FRMD4B: variants seen among roughly 807,000 people sequenced by gnomAD.
The protein encoded by FRMD4B is FERM domain-containing protein 4B.
In FRMD4B, 74 loss-of-function variants were observed where a neutral mutation model predicts 141.5. The observed-to-expected ratio is 0.52, with a 90% CI of 0.43 to 0.63. FRMD4B has a LOEUF of 0.63. FRMD4B is among the 30% of genes least tolerant of loss of function. FRMD4B has a pLI of 0.00. For missense variants in FRMD4B, 1,366 were observed against 1,253.4 expected, an observed-to-expected ratio of 1.09 and a Z score of -1.36; for synonymous variants, 506 against 467.9, an observed-to-expected ratio of 1.08 and a Z score of -1.05.
chr3:69,308,693 G>T (rs1701474647), intron 3 of FRMD4B, among the ~76,000 whole-genome samples: 1 of 152,066 alleles, frequency 6.6e-6, no homozygotes, highest in Admixed American at 6.5e-5. Flanking sequence ...GACTGCCTCA[G>T]CCTCCCAAAG....
intron 1 of FRMD4B, among the ~76,000 whole-genome samples, chr3:69,381,710 A>G (rs1704124786): frequency 6.6e-6 from 1 of 152,328 alleles, no homozygotes; most frequent in South Asian, 2.1e-4. Context: ...TTCCTGTGGC[A>G]AAATACATAC....
intron 1 of FRMD4B, among the ~76,000 whole-genome samples, chr3:69,440,741 G>A (rs1255503954): frequency 2.6e-5 from 4 of 152,174 alleles, no homozygotes; most frequent in African/African-American, 4.8e-5. Context: ...CTGGGAGGCA[G>A]AGGTTGCACT....
chr3:69,415,587 A>C (rs905673297), intron 2 of FRMD4B, among the ~76,000 whole-genome samples: 1 of 152,002 alleles, frequency 6.6e-6, no homozygotes, highest in Admixed American at 6.5e-5. Context: ...TCAGTCTTCA[A>C]CTCTCAGCTA....
Position 69,533,754 on chromosome 3 carries a change from C to CAGTA in FRMD4B, c.-129+8448_-129+8451dup, listed in dbSNP as rs1181212814. 6.6e-5 allele frequency among the ~76,000 whole-genome samples: 10 copies of CAGTA among 152,278 alleles called. No homozygotes were observed. The Middle Eastern group carries it at 0.01, about 155-fold the overall frequency. On this transcript the variant is annotated intron_variant, in intron 1 of 5. Transcript: ENST00000459638. ...GCTGCAAATCTTTCAGGCCCAAGCG[C>CAGTA]AGTACCATCCCATGCACCCCCTGCT... is the stretch of plus-strand genomic sequence containing the variant.
At chr3:69,477,454 G>C (rs1706022425) in intron 1 of FRMD4B, among the ~76,000 whole-genome samples, 1 of 151,254 alleles carries the variant, frequency 6.6e-6, no homozygotes, top group Non-Finnish European at 1.5e-5. Context: ...TGCATCTATT[G>C]AGATAAGCAT....
chr3:69,242,594 C>A (rs936104727), intron 7 of FRMD4B, among the ~76,000 whole-genome samples: 2 of 130,460 alleles, frequency 1.5e-5, no homozygotes, highest in Non-Finnish European at 3.1e-5. Context: ...CTCATTCTGA[C>A]CCAGCACTGA....
At chr3:69,265,693 C>A (rs2093558247) in intron 5 of FRMD4B, among the ~76,000 whole-genome samples, 1 of 151,786 alleles carries the variant, frequency 6.6e-6, no homozygotes, top group Admixed American at 6.6e-5. Context: ...GTGATCCACC[C>A]ACCTTGGCCT....
intron 1 of FRMD4B, among the ~76,000 whole-genome samples, chr3:69,530,569 T>A (rs75395214): frequency 1.3e-5 from 2 of 152,064 alleles, no homozygotes; most frequent in Non-Finnish European, 2.9e-5. Flanking sequence ...TTTTTTTTTT[T>A]AATAAATTAC....
At chr3:69,237,294 GGTC>G (rs2093351540) in intron 7 of FRMD4B, among the ~76,000 whole-genome samples, 2 of 152,198 alleles carry the variant, frequency 1.3e-5, no homozygotes, top group Non-Finnish European at 2.9e-5. Context: ...TAAGCCACAG[GGTC>G]TTTCATTTTT....
chr3:69,323,746 A>T (rs1414658441), intron 1 of FRMD4B, among the ~76,000 whole-genome samples: 3 of 151,186 alleles, frequency 2.0e-5, no homozygotes, highest in Non-Finnish European at 4.4e-5. Flanking sequence ...CAGAAAAGGT[A>T]CATGGCTGAC....
At chr3:69,416,360 A>C (rs1704860731) in intron 2 of FRMD4B, among the ~76,000 whole-genome samples, 1 of 152,182 alleles carries the variant, frequency 6.6e-6, no homozygotes, top group African/African-American at 2.4e-5. Context: ...AATAAACTGC[A>C]TCCTTGAATT....
At chr3:69,221,623 A>C (rs540012044) in intron 9 of FRMD4B, among the ~76,000 whole-genome samples, 1 of 152,086 alleles carries the variant, frequency 6.6e-6, no homozygotes, top group Non-Finnish European at 1.5e-5. Flanking sequence ...ACCATTCTCT[A>C]TTGCCCTACA....
chr3:69,178,174 T>C (rs1316004757), intron 21 of FRMD4B, among the ~76,000 whole-genome samples: 1 of 152,200 alleles, frequency 6.6e-6, no homozygotes, highest in Non-Finnish European at 1.5e-5. Context: ...ACTGCCCTTT[T>C]TCCATTTCCT....
chr3:69,294,432 T>C (rs182560120), intron 4 of FRMD4B, among the ~76,000 whole-genome samples: 3 of 152,362 alleles, frequency 2.0e-5, no homozygotes, highest in African/African-American at 7.2e-5. Flanking sequence ...GCAGTGCTTA[T>C]GGGAGTCCAA....
chr3:69,311,873 G>C (rs140206285), intron 2 of FRMD4B, among the ~76,000 whole-genome samples: 1 of 152,104 alleles, frequency 6.6e-6, no homozygotes, highest in African/African-American at 2.4e-5. Flanking sequence ...ATATCCCATT[G>C]TCATTTAATC....
chr3:69,196,536 C>A, intron 13 of FRMD4B, 140 bp from the exon 14 acceptor site: 5 of 358,194 alleles, frequency 1.4e-5, no homozygotes, highest in African/African-American at 5.4e-5. Context: ...TTCTTCAGAC[C>A]AAAAAACAAA....
At chr3:69,266,051 A>C (rs1230227801) in intron 5 of FRMD4B, among the ~76,000 whole-genome samples, 2 of 151,898 alleles carry the variant, frequency 1.3e-5, no homozygotes, top group African/African-American at 4.8e-5. Flanking sequence ...AAAAACTTTA[A>C]ATTATCCAGA....
Position 69,182,678 on chromosome 3 carries a change from C to T in FRMD4B, c.1959G>A (p.Leu653=). 1 of 1,613,626 alleles carries T rather than the reference C, an allele frequency of 6.2e-7. No homozygotes were observed. Among genetic ancestry groups the T allele is most frequent in the Non-Finnish European group, 8.5e-7 (1 of 1,179,674 alleles). ...LSTHSSPYKT[L]ERRPQGGRSM... ...TTCGTCCTCCCTGGGGCCGCCTCTC[C>T]AGAGTTTTGTAAGGGCTGCTGTGTG... Residue 653 remains leucine, a synonymous_variant, in exon 20 of 23, where the codon CTG becomes CTA. Coordinates refer to ENST00000398540, the MANE Select transcript of FRMD4B (RefSeq NM_015123.3).
At chr3:69,299,974 C>A (rs1012945583) in intron 4 of FRMD4B, among the ~76,000 whole-genome samples, 4 of 152,116 alleles carry the variant, frequency 2.6e-5, no homozygotes, top group South Asian at 2.1e-4. Context: ...AAGACAGAAC[C>A]AAATGCTATC....
Sources: gnomAD v4.1 joint callset for allele counts (sites outside exome capture counted in the v4.1 genomes callset) on GRCh38, gnomAD v4.1.1 for gene constraint, MANE v1.5 for transcripts, NCBI Gene and HGNC (gene_info 2026-07-23, HGNC 2026-07-21) for gene names.